The following TRPS1 variants were observed in gnomAD, a reference collection of about 807,000 sequenced individuals.
TRPS1 encodes the protein zinc finger transcription factor Trps1.
A neutral mutation model predicts 101.2 loss-of-function variants in TRPS1; 6 were observed. The ratio of observed to expected loss-of-function variants is 0.06; its 90% confidence interval spans 0.03 to 0.12. The LOEUF is 0.12. TRPS1 is among the 10% of genes least tolerant of loss of function. The probability of loss-of-function intolerance (pLI) is 1.00; values close to 1 mark genes in which losing one functional copy is unlikely to be tolerated. For synonymous variants in TRPS1, 578 were observed against 589.8 expected, an observed-to-expected ratio of 0.98 and a Z score of 0.29; for missense variants, 1,363 against 1,567.0, an observed-to-expected ratio of 0.87 and a Z score of 2.20.
At chr8:115,660,334 T>G (rs1811763460) in intron 1 of TRPS1, among the ~76,000 whole-genome samples, 1 of 152,026 alleles carries the variant, frequency 6.6e-6, no homozygotes. Context: ...GAAATCCTTT[T>G]GATCTTTCTT....
rs1035830768 is a variant in TRPS1, at chr8:115,623,475, A to G, written c.37+126T>C. 3.7e-5 allele frequency: 39 copies of G among 1,067,824 alleles called. 1 individual carries two copies. In the South Asian group the frequency reaches 4.9e-4, roughly 14 times the overall value. The allele number at this position is 1,067,824 out of a possible 1,614,324, so 66.1% of individuals were successfully genotyped here. On this transcript the variant is annotated intron_variant, in intron 2 of 6. Transcript: ENST00000395715. ...ACTCCCCTAGCGAGTCGTAAGTTAG[A>G]TACCATAAGACTATAGCCACCCTCA...
rs547931640 is a variant in TRPS1, at chr8:115,481,315, A to C, written c.2701-62863T>G. Among the ~76,000 whole-genome samples the C allele has an allele frequency of 5.3e-5, 8 of 152,294 alleles. No homozygotes were observed. The East Asian group carries it at 1.5e-3, about 29-fold the overall frequency. ...ATCAAATGCATTGAGTTTAAATTTC[A>C]AACTGTCTCAAAACTTTTGTAGTGC... On this transcript the variant is annotated intron_variant, in intron 5 of 6. Transcript: ENST00000395715.
At position 115,619,694 on chromosome 8, in the gene TRPS1, C is replaced by T. The variant is rs1237384013; in HGVS notation, c.404G>A (p.Cys135Tyr). 8 of 1,614,080 alleles carry T rather than the reference C, an allele frequency of 5.0e-6. No individual in the cohort carries two copies. In the Admixed American group the frequency reaches 1.2e-4, roughly 24 times the overall value. Residue 135 changes from cysteine (C) to tyrosine (Y), a missense_variant, in exon 3 of 7, where the codon TGT becomes TAT. By Grantham distance (194) the Cys-to-Tyr change is radical. This residue lies in a region of TRPS1 where 1,020 missense variants were observed against 1,073.0 expected (regional missense o/e 0.95). Coordinates refer to ENST00000395715, the MANE Select transcript of TRPS1 (RefSeq NM_014112.5). ...TCTTTGCGGAGACTTCAAGGGCTCACAGACTCCCCCAGCAGCTGGAGATGA... is the reference window on the plus strand; with the variant it reads ...TCTTTGCGGAGACTTCAAGGGCTCATAGACTCCCCCAGCAGCTGGAGATGA... ...AFSSPAAGGV[C>Y]EPLKSPQRAE...
At position 115,637,213 on chromosome 8, in the gene TRPS1, G is replaced by A. The variant is rs376315441; in HGVS notation, c.-121-13455C>T. 3.1e-6 allele frequency: 3 copies of A among 973,848 alleles called. No individual in the cohort carries two copies. The African/African-American group carries it at 5.3e-5, about 17-fold the overall frequency. The allele number at this position is 973,848 out of a possible 1,614,324, so 60.3% of individuals were successfully genotyped here. ...ATGTCAAGAAACAGAGAAGAAGCTA[G>A]GTTTAAACCAAATGGCTCACATGGA... On this transcript the variant is annotated intron_variant, in intron 1 of 6. Coordinates refer to ENST00000395715, the MANE Select transcript of TRPS1 (RefSeq NM_014112.5).
intron 5 of TRPS1, among the ~76,000 whole-genome samples, chr8:115,504,310 A>G (rs1251809072): frequency 6.6e-6 from 1 of 152,184 alleles, no homozygotes; most frequent in African/African-American, 2.4e-5. Flanking sequence ...GGACTACTAT[A>G]AAAACAACCA....
intron 5 of TRPS1, among the ~76,000 whole-genome samples, chr8:115,475,007 T>C (rs1814565072): frequency 6.6e-6 from 1 of 151,872 alleles, no homozygotes; most frequent in Non-Finnish European, 1.5e-5. Flanking sequence ...AACAAAAATA[T>C]GGAAAGCTAA....
chr8:115,576,743 T>G (rs1817328515), intron 5 of TRPS1, among the ~76,000 whole-genome samples: 1 of 152,270 alleles, frequency 6.6e-6, no homozygotes, highest in Middle Eastern at 3.4e-3. Flanking sequence ...CAAACCCAGC[T>G]GGAACCTCAA....
In TRPS1 at chr8:115,497,180, G is replaced by A. The variant is rs537358188; in HGVS notation, c.2701-78728C>T. 5.3e-5 allele frequency among the ~76,000 whole-genome samples: 8 copies of A among 152,292 alleles called. No individual in the cohort carries two copies. In the South Asian group the frequency reaches 1.7e-3, roughly 32 times the overall value. The stretch of plus-strand genomic sequence containing the variant: ...CTGTTTGGCACCAGGGACAGGTTTT[G>A]TGGAAGACAATTTTTCCACAGATGA... On this transcript the variant is annotated intron_variant, in intron 5 of 6. Coordinates refer to ENST00000395715, the MANE Select transcript of TRPS1 (RefSeq NM_014112.5).
At chr8:115,636,444 T>C (rs1268051293) in intron 1 of TRPS1, among the ~76,000 whole-genome samples, 2 of 152,194 alleles carry the variant, frequency 1.3e-5, no homozygotes, top group African/African-American at 4.8e-5. Context: ...ATATATTATG[T>C]ATTTATTGGG....
intron 1 of TRPS1, among the ~76,000 whole-genome samples, chr8:115,630,376 C>A (rs1818612869): frequency 6.6e-6 from 1 of 151,750 alleles, no homozygotes; most frequent in Non-Finnish European, 1.5e-5. Context: ...CAGAGCCATA[C>A]ACACACACAC....
In TRPS1 at chr8:115,412,729, C is replaced by T. The variant is rs1563710533; in HGVS notation, c.*1294G>A. The T allele has an allele frequency of 6.6e-6, 1 of 152,474 alleles. No homozygotes were observed. Among genetic ancestry groups the T allele is most frequent in the Non-Finnish European group, 1.5e-5 (1 of 68,000 alleles). The allele number at this position is 152,474 out of a possible 1,614,324, so 9.4% of individuals were successfully genotyped here. Reference sequence around the variant, plus strand: ...CATCCTTGTAGCAAGCATTGAGGCTCGACTAACAGCACCTTTAACCAATTA... The same window carrying T: ...CATCCTTGTAGCAAGCATTGAGGCTTGACTAACAGCACCTTTAACCAATTA... On this transcript the variant is annotated 3_prime_UTR_variant, in exon 7 of 7. Transcript: ENST00000395715.
intron 5 of TRPS1, among the ~76,000 whole-genome samples, chr8:115,583,873 A>C (rs943209479): frequency 5.9e-5 from 9 of 152,088 alleles, no homozygotes; most frequent in African/African-American, 2.2e-4. Context: ...TGAACACAAA[A>C]CTAAAAGCCA....
chr8:115,513,532 G>A (rs10505255), intron 5 of TRPS1, among the ~76,000 whole-genome samples: 3,652 of 151,556 alleles, frequency 0.024, 135 homozygotes, highest in African/African-American at 0.082. Context: ...CAGAGCAAGG[G>A]TTAATAAATT....
chr8:115,497,320 C>CACATAGG (rs1563553090), intron 5 of TRPS1, among the ~76,000 whole-genome samples: 2 of 152,200 alleles, frequency 1.3e-5, no homozygotes, highest in Non-Finnish European at 2.9e-5. Context: ...ATAGGGTTTA[C>CACATAGG]TCTCCTATGC....
At chr8:115,636,639 C>T (rs187162778) in intron 1 of TRPS1, among the ~76,000 whole-genome samples, 96 of 152,242 alleles carry the variant, frequency 6.3e-4, no homozygotes, top group African/African-American at 2.1e-3. Context: ...CTTGGCTGGG[C>T]GTGGTGGCTC....
intron 3 of TRPS1, among the ~76,000 whole-genome samples, chr8:115,613,722 A>T (rs1057109095): frequency 6.6e-6 from 1 of 152,214 alleles, no homozygotes; most frequent in Non-Finnish European, 1.5e-5. Flanking sequence ...TCATTAATAC[A>T]TGTAAAAAAC....
intron 1 of TRPS1, chr8:115,667,728 T>C: frequency 9.1e-7 from 1 of 1,104,508 alleles, no homozygotes; most frequent in Non-Finnish European, 1.3e-6. Context: ...AGAGCCCAGC[T>C]GGGCCTTTAA....
chr8:115,641,880 GAAAACAAAAC>G (rs113288951), intron 1 of TRPS1, among the ~76,000 whole-genome samples: 34 of 151,444 alleles, frequency 2.2e-4, no homozygotes, highest in African/African-American at 6.4e-4. Context: ...TCTCCGTCTC[GAAAACAAAAC>G]AAAACAAAAC....
At chr8:115,550,837 C>A (rs1194432912) in intron 5 of TRPS1, among the ~76,000 whole-genome samples, 1 of 152,160 alleles carries the variant, frequency 6.6e-6, no homozygotes, top group African/African-American at 2.4e-5. Context: ...TAAACATTAG[C>A]GAGAATCAGT....
Sources: gnomAD v4.1 joint callset for allele counts (sites outside exome capture counted in the v4.1 genomes callset) on GRCh38, gnomAD v4.1.1 for gene constraint, gnomAD v4.1.1 regional missense constraint, MANE v1.5 for transcripts, NCBI Gene and HGNC (gene_info 2026-07-23, HGNC 2026-07-21) for gene names.